The following DACH1 variants were observed in gnomAD, a reference collection of about 807,000 sequenced individuals.
DACH1 encodes the protein dachshund homolog 1.
A neutral mutation model predicts 54.2 loss-of-function variants in DACH1; 12 were observed. That is an observed-to-expected ratio of 0.22 (90% CI 0.14 to 0.36). DACH1 has a LOEUF of 0.36. Among genes scored for constraint, DACH1 ranks in the 10% least tolerant of loss-of-function variants. The pLI, the probability that DACH1 is intolerant of heterozygous loss-of-function variation, is 1.00. For synonymous variants in DACH1, 386 were observed against 366.2 expected, an observed-to-expected ratio of 1.05 and a Z score of -0.62; for missense variants, 805 against 929.8, an observed-to-expected ratio of 0.87 and a Z score of 1.75.
At chr13:71,526,493 T>A (rs1179920672) in intron 6 of DACH1, among the ~76,000 whole-genome samples, 3 of 152,092 alleles carry the variant, frequency 2.0e-5, no homozygotes, top group African/African-American at 7.2e-5. Flanking sequence ...TATCTTCTGG[T>A]ATCTATTTCT....
At chr13:71,483,260 G>T (rs987312094) in intron 7 of DACH1, among the ~76,000 whole-genome samples, 4 of 150,500 alleles carry the variant, frequency 2.7e-5, no homozygotes, top group African/African-American at 9.7e-5. Flanking sequence ...ATAATGTAGG[G>T]CCAATATATT....
chr13:71,785,028 A>G (rs1886534457), intron 1 of DACH1, among the ~76,000 whole-genome samples: 1 of 152,172 alleles, frequency 6.6e-6, no homozygotes, highest in South Asian at 2.1e-4. Flanking sequence ...ATTCAGGGGA[A>G]ATAAAATATG....
chr13:71,691,447 T>C (rs1374243270), intron 1 of DACH1, among the ~76,000 whole-genome samples: 1 of 152,224 alleles, frequency 6.6e-6, no homozygotes, highest in Non-Finnish European at 1.5e-5. Context: ...TGGTGAGACA[T>C]TGAGACACCA....
intron 1 of DACH1, among the ~76,000 whole-genome samples, chr13:71,692,505 C>CTTTTTTTTTTTTTTT (rs1881551464): frequency 1.4e-5 from 1 of 72,292 alleles, no homozygotes; most frequent in African/African-American, 5.5e-5. Flanking sequence ...TCTTTTCTTT[C>CTTTTTTTTTTTTTTT]CTTTTTTTTT....
At chr13:71,617,475 G>A (rs1342388553) in intron 3 of DACH1, among the ~76,000 whole-genome samples, 1 of 152,042 alleles carries the variant, frequency 6.6e-6, no homozygotes, top group Non-Finnish European at 1.5e-5. Flanking sequence ...CAGATTCCTG[G>A]AGGAATAAGT....
chr13:71,853,146 C>A (rs1873778311), intron 1 of DACH1, among the ~76,000 whole-genome samples: 1 of 152,148 alleles, frequency 6.6e-6, no homozygotes. Flanking sequence ...AAATCAATTT[C>A]TCTACGTGAC....
intron 6 of DACH1, among the ~76,000 whole-genome samples, chr13:71,499,056 C>G (rs931669323): frequency 2.0e-5 from 3 of 151,624 alleles, no homozygotes; most frequent in Non-Finnish European, 4.4e-5. Flanking sequence ...TTTGAAATTT[C>G]TTGGAAAAAA....
chr13:71,654,262 C>T (rs531060376), intron 2 of DACH1, among the ~76,000 whole-genome samples: 1 of 151,498 alleles, frequency 6.6e-6, no homozygotes, highest in South Asian at 2.1e-4. Flanking sequence ...TGGCGGAGCA[C>T]ACCTGTAATC....
chr13:71,804,887 T>A (rs1438489310), intron 1 of DACH1, among the ~76,000 whole-genome samples: 1 of 152,224 alleles, frequency 6.6e-6, no homozygotes, highest in African/African-American at 2.4e-5. Flanking sequence ...TTATCTTACC[T>A]ACCGTATGAG....
chr13:71,577,034 A>G (rs2138424421), intron 3 of DACH1, among the ~76,000 whole-genome samples: 1 of 152,268 alleles, frequency 6.6e-6, no homozygotes, highest in Admixed American at 6.5e-5. Context: ...TGATCCTTCA[A>G]GGGAATCCTT....
chr13:71,600,771 T>C (rs1403447483), intron 3 of DACH1, among the ~76,000 whole-genome samples: 1 of 152,036 alleles, frequency 6.6e-6, no homozygotes, highest in Non-Finnish European at 1.5e-5. Flanking sequence ...CAAGTTTATA[T>C]TTTAAAAAAG....
chr13:71,478,135 T>C (rs1877736872), intron 8 of DACH1, among the ~76,000 whole-genome samples: 1 of 152,230 alleles, frequency 6.6e-6, no homozygotes, highest in African/African-American at 2.4e-5. Context: ...GCTGGTTCCA[T>C]AGATTGAGTT....
At chr13:71,676,222 AT>A (rs551627735) in intron 2 of DACH1, among the ~76,000 whole-genome samples, 68 of 149,458 alleles carry the variant, frequency 4.5e-4, no homozygotes, top group African/African-American at 1.5e-3. Context: ...ACAAGGCACA[AT>A]TTTTTTTTTG....
At chr13:71,481,543 T>G (rs2138186675) in intron 7 of DACH1, among the ~76,000 whole-genome samples, 1 of 152,338 alleles carries the variant, frequency 6.6e-6, no homozygotes, top group Middle Eastern at 3.4e-3. Context: ...CTGCTGATTA[T>G]GTCTGAAAAA....
chr13:71,840,204 T>C (rs1888962254), intron 1 of DACH1, among the ~76,000 whole-genome samples: 1 of 152,166 alleles, frequency 6.6e-6, no homozygotes, highest in South Asian at 2.1e-4. Flanking sequence ...CACCTCAGCC[T>C]CCCAAAGTGC....
intron 10 of DACH1, among the ~76,000 whole-genome samples, chr13:71,448,494 C>G (rs1874674915): frequency 6.6e-6 from 1 of 152,192 alleles, no homozygotes. Context: ...AACCCCTCTT[C>G]TAAAACCCCC....
intron 1 of DACH1, among the ~76,000 whole-genome samples, chr13:71,841,823 TGGA>T (rs1195786990): frequency 6.6e-6 from 1 of 152,212 alleles, no homozygotes; most frequent in Non-Finnish European, 1.5e-5. Context: ...AGGTATGACC[TGGA>T]AAACTGGAAA....
chr13:71,593,635 C>T (rs533429653), intron 3 of DACH1, among the ~76,000 whole-genome samples: 101 of 152,042 alleles, frequency 6.6e-4, no homozygotes, highest in African/African-American at 2.4e-3. Context: ...CAAGAAAATG[C>T]TGTTGAGTGG....
intron 1 of DACH1, among the ~76,000 whole-genome samples, chr13:71,689,499 TA>T (rs1594100315): frequency 6.6e-6 from 1 of 152,150 alleles, no homozygotes; most frequent in African/African-American, 2.4e-5. Context: ...ATCAGTAAAC[TA>T]AAAGCATCGT....
Sources: allele counts gnomAD v4.1 joint callset (sites outside exome capture counted in the v4.1 genomes callset), GRCh38; gene constraint gnomAD v4.1.1; transcripts MANE v1.5; gene names NCBI Gene and HGNC (gene_info 2026-07-23, HGNC 2026-07-21).